CBLB: variants seen among roughly 807,000 people sequenced by gnomAD.
The protein encoded by CBLB is E3 ubiquitin-protein ligase CBL-B.
In CBLB, 31 loss-of-function variants were observed where a neutral mutation model predicts 104.9. That is an observed-to-expected ratio of 0.30 (90% CI 0.22 to 0.40). The LOEUF is 0.40. Ranked by LOEUF, CBLB falls within the 10% of genes least tolerant of loss-of-function variation. The pLI is 1.00. For synonymous variants in CBLB, 440 were observed against 422.6 expected, an observed-to-expected ratio of 1.04 and a Z score of -0.51; for missense variants, 1,062 against 1,214.6, an observed-to-expected ratio of 0.87 and a Z score of 1.87.
chr3:105,696,284 G>A (rs951889251), intron 12 of CBLB, among the ~76,000 whole-genome samples: 7 of 151,512 alleles, frequency 4.6e-5, no homozygotes, highest in South Asian at 4.1e-4. Context: ...TCATGTTTCC[G>A]TTCATCTAAA....
rs752951592 is a variant in CBLB, at chr3:105,751,512, T to C, written c.673A>G (p.Asn225Asp). 2.7e-5 allele frequency: 43 copies of C among 1,611,718 alleles called. No homozygotes were observed. Among genetic ancestry groups the C allele is most frequent in the Non-Finnish European group, 3.7e-5 (43 of 1,178,076 alleles). Reference protein sequence around the residue: ...ALKSTIDLTCNDYISVFEFDI... With the variant: ...ALKSTIDLTCDDYISVFEFDI... Reference sequence around the variant, plus strand: ...AATTCAAAAACTGAAATGTAATCATTGCAAGTTAAATCAATTGTTGATTTT... The same window carrying C: ...AATTCAAAAACTGAAATGTAATCATCGCAAGTTAAATCAATTGTTGATTTT... Residue 225 changes from asparagine to aspartate, a missense_variant, in exon 5 of 19, where the codon AAT (asparagine) becomes GAT (aspartate). Transcript: ENST00000394030.
intron 9 of CBLB, among the ~76,000 whole-genome samples, chr3:105,720,789 T>C (rs978943717): frequency 5.3e-5 from 8 of 152,234 alleles, no homozygotes; most frequent in Admixed American, 3.3e-4. Context: ...ATGTGTACAT[T>C]TATATTCAAA....
chr3:105,695,009 C>G (rs776965265), intron 12 of CBLB, among the ~76,000 whole-genome samples: 17 of 151,662 alleles, frequency 1.1e-4, no homozygotes, highest in Non-Finnish European at 2.1e-4. Flanking sequence ...CATATCAAAC[C>G]ACAAACGCTC....
intron 3 of CBLB, among the ~76,000 whole-genome samples, chr3:105,779,807 A>G (rs925332320): frequency 6.6e-6 from 1 of 152,006 alleles, no homozygotes; most frequent in African/African-American, 2.4e-5. Flanking sequence ...ATGTTTTGCT[A>G]TGTAGTATGT....
At chr3:105,760,333 C>G (rs1010433391) in intron 4 of CBLB, among the ~76,000 whole-genome samples, 1 of 152,048 alleles carries the variant, frequency 6.6e-6, no homozygotes, top group African/African-American at 2.4e-5. Context: ...CACTTAGAAG[C>G]CACTGACTGT....
rs955236970 is a variant in CBLB at position 105,657,062 on chromosome 3, C to T, written c.*1908G>A. ...TCCAGGGACATAACCAGCTCAGAACCATCTGAAAAAATTCATACAAAAGCA... is the reference window on the plus strand; with the variant it reads ...TCCAGGGACATAACCAGCTCAGAACTATCTGAAAAAATTCATACAAAAGCA... On this transcript the variant is annotated 3_prime_UTR_variant, in exon 19 of 19. Transcript: ENST00000394030. The T allele has an allele frequency of 4.0e-5, 9 of 226,706 alleles. No homozygotes were observed. The Admixed American group carries it at 4.0e-4, about 10-fold the overall frequency. 14.0% of individuals were successfully genotyped at this position (226,706 alleles called of 1,614,324 possible). A position where few individuals can be genotyped will look rare whatever the true frequency, so the allele number is the denominator to read the frequency against.
intron 10 of CBLB, among the ~76,000 whole-genome samples, chr3:105,709,418 C>T (rs945753764): frequency 1.3e-5 from 2 of 151,648 alleles, no homozygotes; most frequent in African/African-American, 2.4e-5. Context: ...TTTCTCTCTT[C>T]ATTATAAAGA....
chr3:105,659,257 A>G, intron 18 of CBLB, 28 bp from the exon 19 acceptor site: 1 of 1,602,938 alleles, frequency 6.2e-7, no homozygotes, highest in Non-Finnish European at 8.5e-7. Context: ...GAGAGATACT[A>G]TTTAAACAGT....
intron 3 of CBLB, among the ~76,000 whole-genome samples, chr3:105,844,667 C>T (rs1225377291): frequency 2.0e-5 from 3 of 152,034 alleles, no homozygotes; most frequent in South Asian, 2.1e-4. Flanking sequence ...ATTTAGAAAA[C>T]GGAATGGTTA....
intron 3 of CBLB, among the ~76,000 whole-genome samples, chr3:105,852,725 AT>A (rs1341088945): frequency 3.3e-5 from 5 of 151,674 alleles, no homozygotes; most frequent in South Asian, 4.2e-4. Context: ...CAGGTTATCC[AT>A]TTTTATCTTT....
intron 4 of CBLB, 71 bp from the exon 5 acceptor site, chr3:105,751,689 G>C: frequency 2.7e-6 from 3 of 1,105,340 alleles, no homozygotes; most frequent in South Asian, 2.5e-5. Context: ...CTTTGAAGCA[G>C]CAAAATTCAA....
chr3:105,666,207 TCTTAGA>T (rs1265717360), intron 18 of CBLB, among the ~76,000 whole-genome samples: 3 of 152,036 alleles, frequency 2.0e-5, no homozygotes, highest in African/African-American at 7.2e-5. Context: ...ATATCAAAAC[TCTTAGA>T]CTACTGACCT....
intron 12 of CBLB, 120 bp downstream of exon 12, chr3:105,701,973 TA>T: frequency 9.7e-7 from 1 of 1,027,368 alleles, no homozygotes; most frequent in Non-Finnish European, 1.5e-6. Flanking sequence ...TGGGGATAAT[TA>T]AAGACTTACA....
chr3:105,671,047 C>G (rs1009040314), intron 17 of CBLB: 1 of 180,492 alleles, frequency 5.5e-6, no homozygotes, highest in African/African-American at 2.4e-5. Flanking sequence ...GACGGGGCAT[C>G]TGAAATAGTA....
chr3:105,830,250 G>A (rs551407875), intron 3 of CBLB, among the ~76,000 whole-genome samples: 1 of 152,290 alleles, frequency 6.6e-6, no homozygotes, highest in East Asian at 1.9e-4. Context: ...CCACGTAATA[G>A]GTGTCCAAAA....
chr3:105,780,648 G>GTTTTATTT (rs1553788866), intron 3 of CBLB, among the ~76,000 whole-genome samples: 1 of 105,054 alleles, frequency 9.5e-6, no homozygotes, highest in African/African-American at 3.5e-5. Flanking sequence ...TACAATAAAA[G>GTTTTATTT]TTTTGTTTTT....
chr3:105,760,620 C>CA (rs11453291), intron 4 of CBLB, among the ~76,000 whole-genome samples: 37,079 of 147,678 alleles, frequency 0.25, 4,662 homozygotes, highest in Non-Finnish European at 0.28. Context: ...GAATTACAAA[C>CA]AAAAAAAAAA....
chr3:105,848,437 T>G (rs2153109998), intron 3 of CBLB, among the ~76,000 whole-genome samples: 1 of 152,254 alleles, frequency 6.6e-6, no homozygotes, highest in Admixed American at 6.5e-5. Context: ...TGAATGCCAT[T>G]TACTTCTTTA....
At chr3:105,687,816 G>GAA (rs146313223) in intron 13 of CBLB, among the ~76,000 whole-genome samples, 12 of 145,462 alleles carry the variant, frequency 8.2e-5, no homozygotes, top group Admixed American at 3.4e-4. Flanking sequence ...ATCCAGTTCT[G>GAA]AAAAAAAAAA....
Sources: allele counts gnomAD v4.1 joint callset (sites outside exome capture counted in the v4.1 genomes callset), GRCh38; gene constraint gnomAD v4.1.1; transcripts MANE v1.5; gene names NCBI Gene and HGNC (gene_info 2026-07-23, HGNC 2026-07-21).